The following PRELID2 variants were observed in gnomAD, a reference collection of about 807,000 sequenced individuals.
PRELID2 encodes PRELI domain-containing protein 2.
In PRELID2, 25 loss-of-function variants were observed where a neutral mutation model predicts 28.4. That is an observed-to-expected ratio of 0.88 (90% confidence interval 0.64 to 1.23). The LOEUF is 1.23. PRELID2 is among the 50% of genes most tolerant of loss of function. PRELID2 has a pLI of 0.00. For missense variants in PRELID2, 201 were observed against 214.4 expected (o/e 0.94, Z 0.39); for synonymous variants, 76 against 71.6 (o/e 1.06, Z -0.31).
intron 1 of PRELID2, among the ~76,000 whole-genome samples, chr5:145,486,302 A>C (rs1453495393): frequency 6.6e-6 from 1 of 152,180 alleles, no homozygotes; most frequent in Non-Finnish European, 1.5e-5. Flanking sequence ...TAATTTTCTC[A>C]TTAGAGTCAG....
chr5:145,817,827 T>G, intron 4 of PRELID2, 67 bp downstream of exon 4: 1 of 1,304,638 alleles, frequency 7.7e-7, no homozygotes. Flanking sequence ...CCATAGATTT[T>G]TAATGTATGT....
chr5:145,646,727 T>C (rs1486878251), intron 1 of PRELID2, among the ~76,000 whole-genome samples: 1 of 152,186 alleles, frequency 6.6e-6, no homozygotes, highest in Non-Finnish European at 1.5e-5. Flanking sequence ...TCTGAGTGGA[T>C]GTTCTATTCC....
the PRELID2 span, among the ~76,000 whole-genome samples, chr5:145,445,198 A>T: frequency 6.6e-6 from 1 of 152,124 alleles, no homozygotes; most frequent in Non-Finnish European, 1.5e-5. Flanking sequence ...GACTAATGGA[A>T]CAAAATAGAG....
the PRELID2 span, among the ~76,000 whole-genome samples, chr5:145,461,292 A>T: frequency 6.6e-6 from 1 of 151,972 alleles, no homozygotes. Flanking sequence ...CTCAGACAAG[A>T]TATTTAACTT....
At chr5:145,425,467 G>A in the PRELID2 span, among the ~76,000 whole-genome samples, 1 of 152,176 alleles carries the variant, frequency 6.6e-6, no homozygotes, top group Non-Finnish European at 1.5e-5. Flanking sequence ...TACATTAACT[G>A]CAGCCCTATT....
intron 1 of PRELID2, among the ~76,000 whole-genome samples, chr5:145,563,233 A>G (rs1752938903): frequency 6.6e-6 from 1 of 152,210 alleles, no homozygotes; most frequent in South Asian, 2.1e-4. Context: ...AAGGATTTCT[A>G]ATTCTTTGAA....
the PRELID2 span, among the ~76,000 whole-genome samples, chr5:145,290,602 C>A: frequency 8.3e-5 from 5 of 60,176 alleles, no homozygotes; most frequent in Non-Finnish European, 1.6e-4. Flanking sequence ...GCCTGTCATG[C>A]GGTTGGGGGA....
chr5:145,505,934 T>A (rs955244200), intron 1 of PRELID2, among the ~76,000 whole-genome samples: 1 of 152,110 alleles, frequency 6.6e-6, no homozygotes, highest in African/African-American at 2.4e-5. Flanking sequence ...ACATGAAATA[T>A]CTAAAAAGTC....
At chr5:145,688,220 A>C (rs1041708412) in intron 1 of PRELID2, among the ~76,000 whole-genome samples, 1 of 152,230 alleles carries the variant, frequency 6.6e-6, no homozygotes, top group East Asian at 1.9e-4. Flanking sequence ...CCTCAGAGAC[A>C]TCTCAGGTCT....
the PRELID2 span, among the ~76,000 whole-genome samples, chr5:145,233,814 A>G: frequency 2.0e-5 from 3 of 152,288 alleles, no homozygotes; most frequent in Middle Eastern, 6.8e-3. Context: ...AGTTTCTTAC[A>G]AGCTAGCCTA....
At chr5:145,447,332 T>C in the PRELID2 span, among the ~76,000 whole-genome samples, 1 of 151,914 alleles carries the variant, frequency 6.6e-6, no homozygotes, top group Non-Finnish European at 1.5e-5. Context: ...TAATGGCTTC[T>C]GTTGCTGCTT....
the PRELID2 span, among the ~76,000 whole-genome samples, chr5:145,233,275 T>C: frequency 1.3e-5 from 2 of 152,080 alleles, no homozygotes; most frequent in Admixed American, 1.3e-4. Context: ...TGAACCAGGT[T>C]CTCTTTGTCT....
chr5:145,666,330 C>G (rs1211731070), intron 1 of PRELID2, among the ~76,000 whole-genome samples: 1 of 152,050 alleles, frequency 6.6e-6, no homozygotes. Flanking sequence ...TTCTGATTCT[C>G]AAGATATGGG....
intron 1 of PRELID2, among the ~76,000 whole-genome samples, chr5:145,680,848 T>G (rs1305385858): frequency 6.6e-6 from 1 of 151,740 alleles, no homozygotes; most frequent in Non-Finnish European, 1.5e-5. Flanking sequence ...TGGGAGAAAG[T>G]ACTTTGTTCC....
chr5:145,810,938 C>T (rs978376661), intron 4 of PRELID2, among the ~76,000 whole-genome samples: 3 of 151,816 alleles, frequency 2.0e-5, no homozygotes, highest in African/African-American at 7.3e-5. Context: ...TTGTATTAGT[C>T]CATTTTCATG....
chr5:145,315,105 TG>T, the PRELID2 span, among the ~76,000 whole-genome samples: 1 of 146,022 alleles, frequency 6.8e-6, no homozygotes, highest in Non-Finnish European at 1.5e-5. Context: ...AGTCTGGCTC[TG>T]TCACCCAGGC....
intron 1 of PRELID2, among the ~76,000 whole-genome samples, chr5:145,565,839 C>T (rs996261392): frequency 2.0e-5 from 3 of 152,164 alleles, no homozygotes; most frequent in Non-Finnish European, 2.9e-5. Context: ...TCTAAGCAAA[C>T]ATTTCTTTAA....
chr5:145,251,465 C>CAGTT, the PRELID2 span, among the ~76,000 whole-genome samples: 12,516 of 152,052 alleles, frequency 0.082, 1,102 homozygotes, highest in African/African-American at 0.23. Flanking sequence ...GTCTTGATCT[C>CAGTT]AGTGTAATGA....
At chr5:145,257,467 A>G in the PRELID2 span, among the ~76,000 whole-genome samples, 34 of 152,280 alleles carry the variant, frequency 2.2e-4, no homozygotes, top group East Asian at 5.8e-3. Flanking sequence ...AAACAGAAAA[A>G]CAAAAAGTAG....
Sources: gnomAD v4.1 joint callset for allele counts (sites outside exome capture counted in the v4.1 genomes callset) on GRCh38, gnomAD v4.1.1 for gene constraint, MANE v1.5 for transcripts, NCBI Gene and HGNC (gene_info 2026-07-23, HGNC 2026-07-21) for gene names.